The following ROBO2 variants were observed in gnomAD, a reference collection of about 807,000 sequenced individuals.
The protein encoded by ROBO2 is roundabout guidance receptor 2, also known as roundabout homolog 2.
Under a neutral mutation model 160.8 loss-of-function variants are expected in ROBO2, and 53 were observed. The observed-to-expected ratio is 0.33, with a 90% CI of 0.26 to 0.41. The LOEUF is 0.41. Among genes scored for constraint, ROBO2 ranks in the 10% least tolerant of loss-of-function variants. The pLI is 1.00. For missense variants in ROBO2, 1,577 were observed against 1,722.4 expected, an observed-to-expected ratio of 0.92 and a Z score of 1.49; for synonymous variants, 664 against 611.7, an observed-to-expected ratio of 1.09 and a Z score of -1.26.
At chr3:77,042,724 G>A (rs922877628) in intron 1 of ROBO2, among the ~76,000 whole-genome samples, 7 of 151,240 alleles carry the variant, frequency 4.6e-5, no homozygotes, top group Admixed American at 6.6e-5. Context: ...CTTTCTCTCC[G>A]TTTTATTCCT....
chr3:77,547,853 CAT>C (rs1304000668), intron 7 of ROBO2, among the ~76,000 whole-genome samples: 3 of 152,218 alleles, frequency 2.0e-5, no homozygotes, highest in East Asian at 1.9e-4. Flanking sequence ...GGTTTCTACA[CAT>C]AGAGTTCTTT....
At chr3:77,411,834 C>G (rs1211479527) in intron 2 of ROBO2, among the ~76,000 whole-genome samples, 3 of 152,052 alleles carry the variant, frequency 2.0e-5, no homozygotes, top group Non-Finnish European at 4.4e-5. Context: ...TTTCTTTAAC[C>G]ACTTTAAATA....
At chr3:76,311,640 C>A (rs1375620975) in intron 2 of ROBO2, among the ~76,000 whole-genome samples, 2 of 152,202 alleles carry the variant, frequency 1.3e-5, no homozygotes, top group Non-Finnish European at 2.9e-5. Flanking sequence ...CAAAGCATTA[C>A]AATGATCGTT....
chr3:77,339,292 T>C (rs538818463), intron 2 of ROBO2, among the ~76,000 whole-genome samples: 1 of 152,070 alleles, frequency 6.6e-6, no homozygotes, highest in Non-Finnish European at 1.5e-5. Context: ...TGTAATTAAA[T>C]GAGCAAAGAT....
At chr3:77,069,011 G>A (rs1038993058) in intron 1 of ROBO2, among the ~76,000 whole-genome samples, 8 of 152,114 alleles carry the variant, frequency 5.3e-5, no homozygotes, top group South Asian at 4.1e-4. Context: ...GCATGGCCAC[G>A]CTCAATTGTT....
chr3:76,298,327 G>A (rs1709188508), intron 2 of ROBO2, among the ~76,000 whole-genome samples: 2 of 152,102 alleles, frequency 1.3e-5, no homozygotes, highest in African/African-American at 4.8e-5. Context: ...TGTGAGGTGT[G>A]TTGTACGAGT....
intron 2 of ROBO2, among the ~76,000 whole-genome samples, chr3:76,398,517 T>G (rs908580956): frequency 3.3e-5 from 5 of 151,638 alleles, no homozygotes; most frequent in African/African-American, 1.2e-4. Context: ...AAGCTGTATG[T>G]ATTAGTTACG....
intron 2 of ROBO2, among the ~76,000 whole-genome samples, chr3:76,838,539 G>T (rs1490838897): frequency 6.6e-6 from 1 of 151,990 alleles, no homozygotes; most frequent in Non-Finnish European, 1.5e-5. Flanking sequence ...TTTGACCATG[G>T]ATCTTCCCTC....
chr3:77,325,310 C>A (rs2065265980), intron 2 of ROBO2, among the ~76,000 whole-genome samples: 1 of 152,170 alleles, frequency 6.6e-6, no homozygotes, highest in African/African-American at 2.4e-5. Context: ...ACTCTGAGAG[C>A]CACCTTAGCT....
At chr3:77,361,619 C>T (rs1298675912) in intron 2 of ROBO2, among the ~76,000 whole-genome samples, 1 of 152,050 alleles carries the variant, frequency 6.6e-6, no homozygotes, top group African/African-American at 2.4e-5. Context: ...TCTATATTTC[C>T]TCACATAGTG....
At chr3:76,393,209 T>G (rs2077243664) in intron 2 of ROBO2, among the ~76,000 whole-genome samples, 2 of 152,108 alleles carry the variant, frequency 1.3e-5, no homozygotes, top group African/African-American at 4.8e-5. Context: ...AATAAGAATC[T>G]CTAGATATGG....
chr3:76,915,626 C>T (rs1051723810), intron 2 of ROBO2, among the ~76,000 whole-genome samples: 4 of 145,634 alleles, frequency 2.7e-5, no homozygotes, highest in South Asian at 2.2e-4. Flanking sequence ...GCCAAGATTG[C>T]GTCACTGCAC....
rs140676466 is a variant in ROBO2 at position 77,130,621 on chromosome 3, G to A, written c.388+32281G>A. ...CCTCACATACGTGTCTTGTTTAATG[G>A]TGAAAATATTTAAGATCTGAGCCAT... On this transcript the variant is annotated intron_variant, in intron 2 of 25. Coordinates refer to ENST00000461745, the Ensembl canonical transcript of ROBO2. Among the ~76,000 whole-genome samples, 3 of 152,210 alleles carry A rather than the reference G, an allele frequency of 2.0e-5. No individual in the cohort carries two copies. In the East Asian group the frequency reaches 5.8e-4, roughly 29 times the overall value.
chr3:77,490,851 C>T (rs1560983243), intron 4 of ROBO2, among the ~76,000 whole-genome samples: 1 of 152,230 alleles, frequency 6.6e-6, no homozygotes, highest in Non-Finnish European at 1.5e-5. Context: ...CCCTTTTCGA[C>T]ATCCTATGAA....
chr3:77,286,028 G>A (rs2060567929), intron 2 of ROBO2, among the ~76,000 whole-genome samples: 1 of 152,022 alleles, frequency 6.6e-6, no homozygotes, highest in African/African-American at 2.4e-5. Context: ...CTTCTCAGAG[G>A]TAACACATGT....
At chr3:76,567,636 T>TAC (rs2084631688) in intron 2 of ROBO2, among the ~76,000 whole-genome samples, 1 of 87,474 alleles carries the variant, frequency 1.1e-5, no homozygotes, top group African/African-American at 4.2e-5. Flanking sequence ...TATATATATA[T>TAC]ATATATATAT....
chr3:76,256,330 TCTC>T, intron 2 of ROBO2, among the ~76,000 whole-genome samples: 1 of 95,188 alleles, frequency 1.1e-5, no homozygotes, highest in Admixed American at 1.1e-4. Flanking sequence ...TCTCTCTCTC[TCTC>T]TCTCTCTCTC....
intron 2 of ROBO2, among the ~76,000 whole-genome samples, chr3:76,043,620 CAAAAAAA>C (rs56988287): frequency 1.0e-4 from 4 of 38,436 alleles, no homozygotes; most frequent in Admixed American, 4.0e-4. Flanking sequence ...CTTCATCGTC[CAAAAAAA>C]AAAAAAAAAA....
At chr3:77,349,091 A>AT (rs1413540418) in intron 2 of ROBO2, among the ~76,000 whole-genome samples, 2 of 151,958 alleles carry the variant, frequency 1.3e-5, no homozygotes, top group Admixed American at 1.3e-4. Flanking sequence ...GTGAGAAGGT[A>AT]TTTTTGTCTG....
Sources: gnomAD v4.1 joint callset for allele counts (sites outside exome capture counted in the v4.1 genomes callset) on GRCh38, gnomAD v4.1.1 for gene constraint, MANE v1.5 for transcripts, NCBI Gene and HGNC (gene_info 2026-07-23, HGNC 2026-07-21) for gene names.